The following ACACA variants were observed in gnomAD, a reference collection of about 807,000 sequenced individuals.
ACACA encodes acetyl-CoA carboxylase 1.
A neutral mutation model predicts 296.1 loss-of-function variants in ACACA; 103 were observed. The ratio of observed to expected loss-of-function variants is 0.35; its 90% CI spans 0.30 to 0.41. ACACA has a LOEUF of 0.41. Ranked by LOEUF, ACACA falls within the 10% of genes least tolerant of loss-of-function variation. The pLI is 1.00. For missense variants in ACACA, 1,554 were observed against 2,989.7 expected, an observed-to-expected ratio of 0.52 and a Z score of 11.20; for synonymous variants, 953 against 1,038.6, an observed-to-expected ratio of 0.92 and a Z score of 1.58.
In ACACA at chr17:37,097,919, A is replaced by G; in HGVS notation, c.6631T>C (p.Phe2211Leu). 6.2e-7 allele frequency: 1 copy of G among 1,614,156 alleles called. No individual in the cohort carries two copies. Among genetic ancestry groups the G allele is most frequent in the Non-Finnish European group, 8.5e-7 (1 of 1,180,026 alleles). Residue 2211 changes from phenylalanine (F) to leucine (L), a missense_variant, in exon 53 of 56, where the codon TTC becomes CTC. By Grantham distance (22) the Phe-to-Leu change is conservative (BLOSUM62 0). Around this residue, in one of 16 missense-constraint regions of ACACA, gnomAD observed 553 missense variants for 1,043.6 expected, o/e 0.53. Transcript: ENST00000616317. This position sits in a 1 kb window ranked among gnomAD's most constrained non-coding sequence, Gnocchi z 4.8. Reference protein sequence around the residue: ...LENKLKEREEFLIPIYHQVAV... With the variant: ...LENKLKEREELLIPIYHQVAV... ...ACCTGATGGTAAATGGGAATTAGGA[A>G]TTCCTCCCGCTCCTTCAACTTGTTC...
intron 1 of ACACA, among the ~76,000 whole-genome samples, chr17:37,395,370 C>A (rs536983107): frequency 6.8e-6 from 1 of 147,906 alleles, no homozygotes; most frequent in South Asian, 2.2e-4. Context: ...ACTGAGGTTG[C>A]GGTGAGCTGA....
intron 26 of ACACA, chr17:37,225,707 G>C (rs1372528943): frequency 5.8e-6 from 1 of 172,866 alleles, no homozygotes; most frequent in Admixed American, 5.5e-5. Context: ...CAATAGCTTT[G>C]AGTAGTTCAG....
intron 9 of ACACA, among the ~76,000 whole-genome samples, chr17:37,273,882 G>A (rs1752026209): frequency 6.6e-6 from 1 of 152,188 alleles, no homozygotes; most frequent in South Asian, 2.1e-4. Flanking sequence ...TAGAGAGAGA[G>A]AGAATCAGCA....
intron 50 of ACACA, among the ~76,000 whole-genome samples, chr17:37,115,798 T>C (rs960166751): frequency 1.3e-5 from 2 of 152,240 alleles, no homozygotes; most frequent in African/African-American, 2.4e-5. Flanking sequence ...GGCTAGCTTA[T>C]TGTGTACCAG....
In ACACA at chr17:37,097,230, G is replaced by T. The variant is rs1055347565; in HGVS notation, c.6721-64C>A. On this transcript the variant is annotated intron_variant, in intron 53 of 55. Transcript: ENST00000616317. This position sits in a 1 kb window ranked among gnomAD's most constrained non-coding sequence, Gnocchi z 4.8. ...TCCTGCTTAATGCTCAGTCTGGAGG[G>T]AAACCCACAGGCATAAAAACTGATT... The T allele has an allele frequency of 3.0e-5, 47 of 1,569,316 alleles. No individual in the cohort carries two copies. Among genetic ancestry groups the T allele is most frequent in the Middle Eastern group, 3.7e-4 (2 of 5,360 alleles).
Position 37,205,812 on chromosome 17 carries a change from C to T in ACACA, c.4009G>A (p.Glu1337Lys). 1.9e-6 allele frequency: 3 copies of T among 1,613,706 alleles called. No individual in the cohort carries two copies. Among genetic ancestry groups the T allele is most frequent in the Non-Finnish European group, 2.5e-6 (3 of 1,179,924 alleles). The change falls in exon 33 of 56, where the codon GAG becomes AAG. Residue 1337 changes from glutamate to lysine, a missense_variant. Glu to Lys is a moderately conservative substitution (Grantham distance 56). Around this residue, in one of 16 missense-constraint regions of ACACA, gnomAD observed 179 missense variants for 283.2 expected, o/e 0.63. Transcript: ENST00000616317. ...AACATAGCTGCCAGCCTGTCATCCT[C>T]AATATCACAGTCAGTCTTGATAGCC... ...NVAIKTDCDIEDDRLAAMFRE... is the reference protein window; with the variant it reads ...NVAIKTDCDIKDDRLAAMFRE...
chr17:37,187,415 A>C (rs886814030), intron 39 of ACACA, among the ~76,000 whole-genome samples: 2 of 152,252 alleles, frequency 1.3e-5, no homozygotes, highest in African/African-American at 4.8e-5. Flanking sequence ...TGTATACTGG[A>C]GCAGGTTCAT....
At chr17:37,247,067 T>A in intron 18 of ACACA, 91 bp from the exon 19 acceptor site, 5 of 1,438,632 alleles carry the variant, frequency 3.5e-6, no homozygotes, top group Non-Finnish European at 4.9e-6. Flanking sequence ...AGAAAAAAAA[T>A]CCTGAAAACT....
At chr17:37,277,466 C>T (rs955709451) in intron 6 of ACACA, among the ~76,000 whole-genome samples, 2 of 152,220 alleles carry the variant, frequency 1.3e-5, no homozygotes, top group African/African-American at 2.4e-5. Context: ...CACTCCATTA[C>T]ATCATTATTG....
In ACACA at chr17:37,138,675, C is replaced by A. The variant is rs559123818; in HGVS notation, c.5680-8457G>T. On this transcript the variant is annotated intron_variant, in intron 45 of 55. Transcript: ENST00000616317. The stretch of plus-strand genomic sequence containing the variant: ...TCCTTTCCCCAAAGTTGTAAGAGTA[C>A]AATGGGCTCATTTTTTCACACTCCA... 3.3e-5 allele frequency among the ~76,000 whole-genome samples: 5 copies of A among 152,304 alleles called. No homozygotes were observed. The East Asian group carries it at 9.6e-4, about 29-fold the overall frequency.
At chr17:37,244,968 G>C (rs1238119458) in intron 20 of ACACA, 112 bp downstream of exon 20, 1 of 1,507,188 alleles carries the variant, frequency 6.6e-7, no homozygotes, top group Non-Finnish European at 9.2e-7. Context: ...GATTAATAGG[G>C]GACAAAGCTA....
chr17:37,162,049 A>G lies in ACACA; in HGVS notation c.5081T>C (p.Ile1694Thr), dbSNP rs2076481392. ...HMNRLPGGNE[I>T]GMVAWKMTFK... is the part of the protein sequence containing the mutation. ...GGTCATTTTCCAAGCTACCATGCCA[A>G]TCTGGAAAGGCATAAACAAACAAAT... The change falls in exon 42 of 56, where the codon ATT (isoleucine) becomes ACT (threonine). Residue 1694 changes from isoleucine to threonine, a missense_variant and splice_region_variant. By Grantham distance (89) the Ile-to-Thr change is moderately conservative (BLOSUM62 -1). Coordinates refer to ENST00000616317, the MANE Select transcript of ACACA (RefSeq NM_198834.3). 3 of 1,614,178 alleles carry G rather than the reference A, an allele frequency of 1.9e-6. No homozygotes were observed. Among genetic ancestry groups the G allele is most frequent in the Non-Finnish European group, 2.5e-6 (3 of 1,180,012 alleles).
intron 1 of ACACA, among the ~76,000 whole-genome samples, chr17:37,347,754 AAAAAAGAAAGAAAG>A (rs1180626206): frequency 1.7e-4 from 26 of 151,350 alleles, no homozygotes; most frequent in African/African-American, 6.3e-4. Flanking sequence ...GTAAAAAAAA[AAAAAAGAAAGAAAG>A]AAAAAAAATT....
intron 26 of ACACA, chr17:37,225,328 A>G (rs1384218067): frequency 2.0e-6 from 1 of 505,136 alleles, no homozygotes; most frequent in Non-Finnish European, 3.6e-6. Flanking sequence ...ATTGTGGCCA[A>G]TTTCCCATGG....
chr17:37,240,754 C>T (rs1045583769), intron 23 of ACACA, among the ~76,000 whole-genome samples, 190 bp from the exon 24 acceptor site: 1 of 152,044 alleles, frequency 6.6e-6, no homozygotes, highest in African/African-American at 2.4e-5. Context: ...TAGACAAGAC[C>T]TTTTTTAATA....
chr17:37,307,993 GAACA>G (rs1234355808), intron 3 of ACACA, among the ~76,000 whole-genome samples: 1 of 151,790 alleles, frequency 6.6e-6, no homozygotes, highest in Non-Finnish European at 1.5e-5. Flanking sequence ...CTGAAAAACT[GAACA>G]TACATAGAAC....
At position 37,223,618 on chromosome 17, in the gene ACACA, C is replaced by T. The variant is rs2079396031; in HGVS notation, c.3475-17G>A. On this transcript the variant is annotated splice_polypyrimidine_tract_variant and intron_variant, in intron 27 of 55. Coordinates refer to ENST00000616317, the MANE Select transcript of ACACA (RefSeq NM_198834.3). ...GATGAGTTTCTAGAAGATACAAAGA[C>T]AGGCTTAAGCCTTACATCAAAAGGA... 6.5e-7 allele frequency: 1 copy of T among 1,535,474 alleles called. No homozygotes were observed. Among genetic ancestry groups the T allele is most frequent in the South Asian group, 1.1e-5 (1 of 89,386 alleles).
At position 37,223,684 on chromosome 17, in the gene ACACA, A is replaced by G. The variant is rs938470753; in HGVS notation, c.3475-83T>C. 29 of 1,046,214 alleles carry G rather than the reference A, an allele frequency of 2.8e-5. 1 individual carries two copies. In the Admixed American group the frequency reaches 4.9e-4, roughly 18 times the overall value. 64.8% of individuals were successfully genotyped at this position (1,046,214 alleles called of 1,614,324 possible). On this transcript the variant is annotated intron_variant, in intron 27 of 55. Coordinates refer to ENST00000616317, the MANE Select transcript of ACACA (RefSeq NM_198834.3). The stretch of plus-strand genomic sequence containing the variant: ...ACACTATTTGGCATTTGAAGCATTT[A>G]GTGAAACCTAAGAATTTTGTCTCTG...
At chr17:37,120,094 T>C (rs2074454937) in intron 50 of ACACA, among the ~76,000 whole-genome samples, 2 of 151,968 alleles carry the variant, frequency 1.3e-5, no homozygotes, top group South Asian at 2.1e-4. Flanking sequence ...GGTTTCACTA[T>C]GTTGGACAGG....
Sources: allele counts gnomAD v4.1 joint callset (sites outside exome capture counted in the v4.1 genomes callset), GRCh38; gene constraint gnomAD v4.1.1; regional missense constraint gnomAD v4.1.1; non-coding constraint Gnocchi (gnomAD v3.1); transcripts MANE v1.5; gene names NCBI Gene and HGNC (gene_info 2026-07-23, HGNC 2026-07-21).